Variants in DPP6 observed in about 807,000 individuals in gnomAD.
The protein encoded by DPP6 is A-type potassium channel modulatory protein DPP6.
Under a neutral mutation model 122.6 loss-of-function variants are expected in DPP6, and 69 were observed. That is an observed-to-expected ratio of 0.56 (90% CI 0.46 to 0.69). The LOEUF (loss-of-function observed/expected upper bound fraction) is 0.69. Ranked by LOEUF, DPP6 falls within the 30% of genes least tolerant of loss-of-function variation. DPP6 has a pLI of 0.00. For missense variants in DPP6, 928 were observed against 1,116.9 expected, an observed-to-expected ratio of 0.83 and a Z score of 2.41; for synonymous variants, 418 against 433.1, an observed-to-expected ratio of 0.97 and a Z score of 0.43.
chr7:154,035,730 A>G (rs182422857), intron 1 of DPP6, among the ~76,000 whole-genome samples: 1,697 of 152,270 alleles, frequency 0.011, 37 homozygotes, highest in African/African-American at 0.039. Context: ...CACAGACTGA[A>G]TGCTTTAAAA....
In DPP6 at chr7:154,581,745, A is replaced by G. The variant is rs1293447029; in HGVS notation, c.627+14829A>G. 2.0e-5 allele frequency among the ~76,000 whole-genome samples: 3 copies of G among 152,228 alleles called. No homozygotes were observed. In the East Asian group the frequency reaches 5.8e-4, roughly 29 times the overall value. ...CAGGTGCAGGGACTTCTGGCCTGAG[A>G]CAGCAGAATAATCGCTCCTGGAGTG... On this transcript the variant is annotated intron_variant, in intron 5 of 25. Transcript: ENST00000377770.
At chr7:154,216,397 G>A (rs951651374) in intron 1 of DPP6, among the ~76,000 whole-genome samples, 6 of 152,204 alleles carry the variant, frequency 3.9e-5, no homozygotes, top group African/African-American at 1.4e-4. Flanking sequence ...TGGTCATGTA[G>A]CCATCATAAC....
intron 1 of DPP6, among the ~76,000 whole-genome samples, chr7:154,321,501 G>A (rs1320576730): frequency 6.6e-6 from 1 of 151,870 alleles, no homozygotes; most frequent in African/African-American, 2.4e-5. Context: ...TGATGATGGC[G>A]GCCAGGCGCG....
chr7:154,226,074 G>T lies in DPP6; in HGVS notation c.243+173011G>T, dbSNP rs539494053. On this transcript the variant is annotated intron_variant, in intron 1 of 25. Transcript: ENST00000377770. ...TATTAAATGCATTTCCTGATGACAC[G>T]ATGCTGAACCTTGAGACTCACAGGA... 8.5e-5 allele frequency among the ~76,000 whole-genome samples: 13 copies of T among 152,250 alleles called. No homozygotes were observed. The South Asian group carries it at 2.5e-3, about 29-fold the overall frequency.
chr7:154,304,303 T>C (rs1220311392), intron 1 of DPP6, among the ~76,000 whole-genome samples: 2 of 152,222 alleles, frequency 1.3e-5, no homozygotes, highest in Non-Finnish European at 2.9e-5. Flanking sequence ...CAGGAGATAC[T>C]CCCACCTGCA....
chr7:154,222,523 C>T (rs1186633304), intron 1 of DPP6, among the ~76,000 whole-genome samples: 1 of 148,196 alleles, frequency 6.7e-6, no homozygotes, highest in Non-Finnish European at 1.5e-5. Flanking sequence ...GGCGTGGTGG[C>T]GCACGCCTGT....
At chr7:154,444,507 G>C (rs1819691383) in intron 1 of DPP6, among the ~76,000 whole-genome samples, 1 of 152,132 alleles carries the variant, frequency 6.6e-6, no homozygotes, top group Non-Finnish European at 1.5e-5. Context: ...TCAATTATTT[G>C]AGCTAATGAA....
chr7:154,510,282 A>T (rs1201234049), intron 3 of DPP6, among the ~76,000 whole-genome samples: 4 of 152,244 alleles, frequency 2.6e-5, no homozygotes, highest in Non-Finnish European at 4.4e-5. Context: ...CAACCAGTGT[A>T]CTAGTCTGGA....
the DPP6 span, among the ~76,000 whole-genome samples, chr7:153,761,025 T>C: frequency 6.6e-6 from 1 of 152,292 alleles, no homozygotes; most frequent in Non-Finnish European, 1.5e-5. Context: ...CCCACCTAGG[T>C]TGTCCATCAT....
chr7:154,211,277 G>C (rs1799726954), intron 1 of DPP6, among the ~76,000 whole-genome samples: 1 of 152,124 alleles, frequency 6.6e-6, no homozygotes, highest in African/African-American at 2.4e-5. Context: ...CCCCACCTGG[G>C]CATAGGTACA....
chr7:154,705,739 T>G (rs1586924993), intron 7 of DPP6, among the ~76,000 whole-genome samples: 1 of 152,180 alleles, frequency 6.6e-6, no homozygotes, highest in South Asian at 2.1e-4. Flanking sequence ...AAACAAAAAG[T>G]GGAGGTCACC....
At chr7:154,713,054 A>G (rs1841284173) in intron 7 of DPP6, among the ~76,000 whole-genome samples, 1 of 152,256 alleles carries the variant, frequency 6.6e-6, no homozygotes, top group African/African-American at 2.4e-5. Flanking sequence ...CCCATTCCAA[A>G]TGGCAGAAAT....
At chr7:154,826,783 A>C (rs1362385248) in intron 16 of DPP6, among the ~76,000 whole-genome samples, 3 of 152,246 alleles carry the variant, frequency 2.0e-5, no homozygotes, top group Admixed American at 1.3e-4. Context: ...AGGATCATCC[A>C]TGTGCTTAAA....
intron 1 of DPP6, among the ~76,000 whole-genome samples, chr7:154,008,461 C>A (rs1427246777): frequency 6.6e-6 from 1 of 152,254 alleles, no homozygotes; most frequent in East Asian, 1.9e-4. Context: ...TCTTCAGTGA[C>A]TGAAGGAGAA....
chr7:154,241,077 A>AT lies in DPP6; in HGVS notation c.243+188014_243+188015insT, dbSNP rs1272384652. Among the ~76,000 whole-genome samples the AT allele has an allele frequency of 3.3e-5, 5 of 151,958 alleles. No homozygotes were observed. The highest frequency in any genetic ancestry group is 1.2e-4 in the African/African-American group (5 of 41,268). ...ATATTGTGAAGTTCCGTTGATAAAT[A>AT]AATTGATGAAAACCTTTTTTCTTAC... On this transcript the variant is annotated intron_variant, in intron 1 of 25. Coordinates refer to ENST00000377770, the MANE Select transcript of DPP6 (RefSeq NM_130797.4). This position sits in a 1 kb window ranked among gnomAD's most constrained non-coding sequence, Gnocchi z 9.0.
the DPP6 span, among the ~76,000 whole-genome samples, chr7:153,787,648 C>G: frequency 1.3e-5 from 2 of 148,362 alleles, no homozygotes; most frequent in Admixed American, 1.4e-4. Context: ...GTACGCCCCT[C>G]TAGTCTAGCT....
intron 14 of DPP6, among the ~76,000 whole-genome samples, chr7:154,804,575 C>T (rs1798574911): frequency 6.6e-6 from 1 of 152,200 alleles, no homozygotes; most frequent in Admixed American, 6.5e-5. Context: ...TAAATGTGCT[C>T]AGCTCCTTGC....
At chr7:153,946,982 A>G (rs966341843) in intron 1 of DPP6, among the ~76,000 whole-genome samples, 2 of 152,086 alleles carry the variant, frequency 1.3e-5, no homozygotes, top group African/African-American at 2.4e-5. Context: ...ACGCTGCCAT[A>G]AGCTAGTTTC....
intron 6 of DPP6, among the ~76,000 whole-genome samples, chr7:154,644,172 G>A (rs963196570): frequency 6.6e-6 from 1 of 152,192 alleles, no homozygotes; most frequent in Non-Finnish European, 1.5e-5. Flanking sequence ...GATGAAAACA[G>A]TAGGCGCAGA....
Sources: allele counts gnomAD v4.1 joint callset (sites outside exome capture counted in the v4.1 genomes callset), GRCh38; gene constraint gnomAD v4.1.1; non-coding constraint Gnocchi (gnomAD v3.1); transcripts MANE v1.5; gene names NCBI Gene and HGNC (gene_info 2026-07-23, HGNC 2026-07-21).